The following PPP2R2A variants were observed in gnomAD, a reference collection of about 807,000 sequenced individuals.
PPP2R2A encodes the protein serine/threonine-protein phosphatase 2A 55 kDa regulatory subunit B alpha isoform.
PPP2R2A carries 9 observed loss-of-function variants against 53.2 expected under a neutral mutation model. The observed-to-expected ratio is 0.17, with a 90% CI of 0.10 to 0.30. The LOEUF is 0.30. Among genes scored for constraint, PPP2R2A ranks in the 10% least tolerant of loss-of-function variants. The pLI is 1.00. For missense variants in PPP2R2A, 235 were observed against 534.6 expected, an observed-to-expected ratio of 0.44 and a Z score of 5.53; for synonymous variants, 169 against 174.2, an observed-to-expected ratio of 0.97 and a Z score of 0.23.
chr8:26,335,571 T>G (rs1392757171), intron 2 of PPP2R2A, among the ~76,000 whole-genome samples: 1 of 152,212 alleles, frequency 6.6e-6, no homozygotes, highest in Non-Finnish European at 1.5e-5. Flanking sequence ...AAAAAGTGAC[T>G]TGGTTGGCTG....
At chr8:26,315,447 G>T (rs1802503204) in intron 2 of PPP2R2A, among the ~76,000 whole-genome samples, 1 of 152,148 alleles carries the variant, frequency 6.6e-6, no homozygotes. Flanking sequence ...GGATTACTAT[G>T]CAGCCTTTCA....
At chr8:26,302,715 G>A (rs993509746) in intron 2 of PPP2R2A, among the ~76,000 whole-genome samples, 1 of 152,190 alleles carries the variant, frequency 6.6e-6, no homozygotes, top group Non-Finnish European at 1.5e-5. Context: ...ATATTGTGGT[G>A]CAGTACATTG....
At chr8:26,302,212 A>G (rs1050842244) in intron 2 of PPP2R2A, among the ~76,000 whole-genome samples, 2 of 152,242 alleles carry the variant, frequency 1.3e-5, no homozygotes, top group African/African-American at 4.8e-5. Flanking sequence ...TCTCAAAAGA[A>G]CAGTGAAACT....
At chr8:26,304,670 C>G (rs1036019570) in intron 2 of PPP2R2A, among the ~76,000 whole-genome samples, 1 of 152,158 alleles carries the variant, frequency 6.6e-6, no homozygotes, top group Non-Finnish European at 1.5e-5. Flanking sequence ...AAAGAGGAAT[C>G]TTTCCTTTTG....
At chr8:26,327,841 A>G (rs1486334182) in intron 2 of PPP2R2A, among the ~76,000 whole-genome samples, 1 of 152,232 alleles carries the variant, frequency 6.6e-6, no homozygotes, top group Non-Finnish European at 1.5e-5. Flanking sequence ...AGCTGAGAAG[A>G]TCATGAAAAT....
At chr8:26,334,064 A>G (rs1319656455) in intron 2 of PPP2R2A, among the ~76,000 whole-genome samples, 1 of 152,208 alleles carries the variant, frequency 6.6e-6, no homozygotes, top group Non-Finnish European at 1.5e-5. Flanking sequence ...TATATCGCAC[A>G]ATTTGGAAGT....
At position 26,371,045 on chromosome 8, in the gene PPP2R2A, A is replaced by G. The variant is rs1805646986; in HGVS notation, c.*632A>G. 6.5e-6 allele frequency: 1 copy of G among 152,682 alleles called. No homozygotes were observed. Among genetic ancestry groups the G allele is most frequent in the South Asian group, 2.1e-4 (1 of 4,836 alleles). 9.5% of individuals were successfully genotyped at this position (152,682 alleles called of 1,614,324 possible). A position where few individuals can be genotyped will look rare whatever the true frequency, so the allele number is the denominator to read the frequency against. The stretch of plus-strand genomic sequence containing the variant: ...TGTTGCAAACAAATGTTTTAGTAAC[A>G]GTTGGCTGTAATCACTCCTCGCCGT... On this transcript the variant is annotated 3_prime_UTR_variant, in exon 10 of 10. Coordinates refer to ENST00000380737, the MANE Select transcript of PPP2R2A (RefSeq NM_002717.4).
At chr8:26,361,936 G>A (rs1026261951) in intron 6 of PPP2R2A, among the ~76,000 whole-genome samples, 3 of 150,842 alleles carry the variant, frequency 2.0e-5, no homozygotes, top group African/African-American at 7.3e-5. Context: ...ACTCCAGCCT[G>A]GGCAACAAGA....
At chr8:26,300,023 T>C (rs1162082493) in intron 2 of PPP2R2A, among the ~76,000 whole-genome samples, 1 of 152,224 alleles carries the variant, frequency 6.6e-6, no homozygotes, top group Non-Finnish European at 1.5e-5. Context: ...AAAGTAGTAG[T>C]GTAAGTTTAC....
chr8:26,318,573 A>G lies in PPP2R2A; in HGVS notation c.83-20317A>G, dbSNP rs189458376. Among the ~76,000 whole-genome samples, 598 of 152,340 alleles carry G rather than the reference A, an allele frequency of 3.9e-3. 1 individual carries two copies. Among genetic ancestry groups the G allele is most frequent in the Non-Finnish European group, 6.7e-3 (454 of 68,046 alleles). On this transcript the variant is annotated intron_variant, in intron 2 of 9. Coordinates refer to ENST00000380737, the MANE Select transcript of PPP2R2A (RefSeq NM_002717.4). ...ATGATGCTCTTCTGCCTACTTTTGTATATGATTGAAATACTCTGTAGTGAA... is the reference window on the plus strand; with the variant it reads ...ATGATGCTCTTCTGCCTACTTTTGTGTATGATTGAAATACTCTGTAGTGAA...
chr8:26,368,829 G>A (rs959796588), intron 9 of PPP2R2A, among the ~76,000 whole-genome samples: 1 of 152,004 alleles, frequency 6.6e-6, no homozygotes, highest in Non-Finnish European at 1.5e-5. Context: ...TATATAGGCC[G>A]GGCACGGTGG....
chr8:26,366,398 A>T lies in PPP2R2A; in HGVS notation c.1056A>T (p.Gly352=). The T allele has an allele frequency of 6.3e-7, 1 of 1,586,220 alleles. No individual in the cohort carries two copies. Among genetic ancestry groups the T allele is most frequent in the African/African-American group, 1.4e-5 (1 of 73,504 alleles). The stretch of plus-strand genomic sequence containing the variant: ...ACAAATTTGAATGTTGTTGGAATGG[A>T]TCTGACAGGTAATTAAGTCAAACCT... The part of the protein sequence containing the change: ...IFDKFECCWN[G]SDSVVMTGSY... Residue 352 remains glycine, a synonymous_variant, in exon 9 of 10, where the codon GGA becomes GGT. Coordinates refer to ENST00000380737, the MANE Select transcript of PPP2R2A (RefSeq NM_002717.4).
rs1182075421 is a variant in PPP2R2A, at chr8:26,321,677, C to T, written c.83-17213C>T. Among the ~76,000 whole-genome samples, 2 of 152,182 alleles carry T rather than the reference C, an allele frequency of 1.3e-5. No individual in the cohort carries two copies. The highest frequency in any genetic ancestry group is 4.8e-5 in the African/African-American group (2 of 41,442). Reference sequence around the variant, plus strand: ...GACCTGACACCTGTCAGCAGCCAGGCGCACGAGCTTGGAAGTAGATCTCCT... The same window carrying T: ...GACCTGACACCTGTCAGCAGCCAGGTGCACGAGCTTGGAAGTAGATCTCCT... On this transcript the variant is annotated intron_variant, in intron 2 of 9. Coordinates refer to ENST00000380737, the MANE Select transcript of PPP2R2A (RefSeq NM_002717.4). This position sits in a 1 kb window ranked among gnomAD's most constrained non-coding sequence, Gnocchi z 4.1.
chr8:26,343,715 A>G (rs150502654), intron 3 of PPP2R2A, among the ~76,000 whole-genome samples: 335 of 152,298 alleles, frequency 2.2e-3, no homozygotes, highest in Non-Finnish European at 3.9e-3. Flanking sequence ...AAGATTATAA[A>G]GGTTGAAATA....
At chr8:26,295,602 T>C (rs1429344465) in intron 2 of PPP2R2A, among the ~76,000 whole-genome samples, 6 of 152,246 alleles carry the variant, frequency 3.9e-5, no homozygotes, top group African/African-American at 1.2e-4. Context: ...TGCATTTTTC[T>C]ACTGATTGGT....
chr8:26,299,936 A>G (rs998241264), intron 2 of PPP2R2A, among the ~76,000 whole-genome samples: 3 of 152,214 alleles, frequency 2.0e-5, no homozygotes, highest in African/African-American at 7.2e-5. Flanking sequence ...CTTACCTTGT[A>G]TGACATGTGA....
At chr8:26,293,142 C>T (rs1801382490) in intron 1 of PPP2R2A, 1 of 1,187,496 alleles carries the variant, frequency 8.4e-7, no homozygotes, top group Non-Finnish European at 1.2e-6. Flanking sequence ...TGTCTGGAGC[C>T]AGTGATTTGC....
chr8:26,312,318 G>C (rs897685314), intron 2 of PPP2R2A, among the ~76,000 whole-genome samples: 3 of 152,214 alleles, frequency 2.0e-5, no homozygotes, highest in Non-Finnish European at 4.4e-5. Flanking sequence ...TGGGAATCTG[G>C]TTAAAATACA....
intron 4 of PPP2R2A, among the ~76,000 whole-genome samples, chr8:26,355,256 C>T (rs1324794833): frequency 6.6e-6 from 1 of 152,074 alleles, no homozygotes; most frequent in African/African-American, 2.4e-5. Flanking sequence ...GTTTACTTGC[C>T]AAGGGAACAT....
Sources: gnomAD v4.1 joint callset for allele counts (sites outside exome capture counted in the v4.1 genomes callset) on GRCh38, gnomAD v4.1.1 for gene constraint, Gnocchi (gnomAD v3.1) non-coding constraint, MANE v1.5 for transcripts, NCBI Gene and HGNC (gene_info 2026-07-23, HGNC 2026-07-21) for gene names.